Variants in IMMP2L observed in about 807,000 individuals in gnomAD.
IMMP2L encodes inner mitochondrial membrane peptidase subunit 2.
Under a neutral mutation model 19.3 loss-of-function variants are expected in IMMP2L, and 18 were observed. The ratio of observed to expected loss-of-function variants is 0.93; its 90% confidence interval spans 0.64 to 1.38. IMMP2L has a LOEUF of 1.38. IMMP2L is among the 40% of genes most tolerant of loss of function. The probability of loss-of-function intolerance (pLI) is 0.00; values close to 1 mark genes in which losing one functional copy is unlikely to be tolerated. For synonymous variants in IMMP2L, 76 were observed against 73.0 expected, an observed-to-expected ratio of 1.04 and a Z score of -0.21; for missense variants, 233 against 218.2, an observed-to-expected ratio of 1.07 and a Z score of -0.43.
intron 3 of IMMP2L, among the ~76,000 whole-genome samples, chr7:111,223,607 A>G (rs1812757084): frequency 6.6e-6 from 1 of 152,128 alleles, no homozygotes; most frequent in African/African-American, 2.4e-5. Context: ...ATCCTAGCAT[A>G]TGATTATAGA....
chr7:111,189,031 G>A (rs1047970636), intron 3 of IMMP2L, among the ~76,000 whole-genome samples: 10 of 152,056 alleles, frequency 6.6e-5, no homozygotes, highest in Non-Finnish European at 1.3e-4. Flanking sequence ...GCACCTACTA[G>A]TACCGTTGAG....
chr7:111,404,179 T>C (rs1454275347), intron 3 of IMMP2L, among the ~76,000 whole-genome samples: 1 of 152,124 alleles, frequency 6.6e-6, no homozygotes, highest in East Asian at 1.9e-4. Context: ...AAAAAGGATG[T>C]AAATTCATCT....
rs1210786661 is a variant in IMMP2L, at chr7:111,123,287, A to G, written c.240-159722T>C. Reference sequence around the variant, plus strand: ...CATAATCTTCTTCGACTTCATCTCAATTCAAATAGATTGCAGATGATCAAC... The same window carrying G: ...CATAATCTTCTTCGACTTCATCTCAGTTCAAATAGATTGCAGATGATCAAC... On this transcript the variant is annotated intron_variant, in intron 3 of 5. Transcript: ENST00000405709. The surrounding 1 kb of genome is among the most constrained non-coding windows in gnomAD (Gnocchi z 6.4). 6.2e-7 allele frequency: 1 copy of G among 1,613,838 alleles called. No individual in the cohort carries two copies. Among genetic ancestry groups the G allele is most frequent in the Non-Finnish European group, 8.5e-7 (1 of 1,179,936 alleles).
chr7:110,818,318 A>G (rs995150462), intron 5 of IMMP2L, among the ~76,000 whole-genome samples: 3 of 152,246 alleles, frequency 2.0e-5, no homozygotes, highest in African/African-American at 7.2e-5. Flanking sequence ...TGAACACACA[A>G]TTCTCAAAAG....
chr7:111,371,114 G>A (rs1830224781), intron 3 of IMMP2L, among the ~76,000 whole-genome samples: 1 of 151,920 alleles, frequency 6.6e-6, no homozygotes, highest in African/African-American at 2.4e-5. Flanking sequence ...ACATGATGAG[G>A]TAAGGAAGAA....
chr7:111,432,396 C>A (rs1214803041), intron 3 of IMMP2L, among the ~76,000 whole-genome samples: 3 of 151,612 alleles, frequency 2.0e-5, no homozygotes, highest in Admixed American at 6.6e-5. Flanking sequence ...CCTAGGGAAG[C>A]AAGGATGGTT....
chr7:111,138,933 A>G (rs1049327352), intron 3 of IMMP2L, among the ~76,000 whole-genome samples: 19 of 152,314 alleles, frequency 1.2e-4, no homozygotes, highest in Non-Finnish European at 2.4e-4. Context: ...GAAAATATTG[A>G]AAATTATGAT....
intron 3 of IMMP2L, among the ~76,000 whole-genome samples, chr7:111,343,117 A>T (rs1211492762): frequency 6.6e-6 from 1 of 152,046 alleles, no homozygotes; most frequent in Non-Finnish European, 1.5e-5. Context: ...ATTATCAACA[A>T]ATATTTATTG....
intron 5 of IMMP2L, among the ~76,000 whole-genome samples, chr7:110,810,730 C>G (rs1393811768): frequency 6.6e-6 from 1 of 152,100 alleles, no homozygotes; most frequent in East Asian, 1.9e-4. Context: ...ATAAACAGAC[C>G]ACAGCCTAAT....
chr7:111,256,296 C>G (rs984926537), intron 3 of IMMP2L, among the ~76,000 whole-genome samples: 1 of 151,978 alleles, frequency 6.6e-6, no homozygotes, highest in Non-Finnish European at 1.5e-5. Context: ...TTAAACCAAA[C>G]AGATTTCAAG....
chr7:111,495,264 C>G (rs1843485247), intron 2 of IMMP2L, among the ~76,000 whole-genome samples: 1 of 152,066 alleles, frequency 6.6e-6, no homozygotes, highest in Non-Finnish European at 1.5e-5. Flanking sequence ...TCCTCTGGCT[C>G]AGTTGTATCT....
chr7:111,287,636 G>T (rs1017108640), intron 3 of IMMP2L, among the ~76,000 whole-genome samples: 3 of 152,036 alleles, frequency 2.0e-5, no homozygotes, highest in Non-Finnish European at 4.4e-5. Flanking sequence ...ACGTCGGCTT[G>T]CTAGTTTTGT....
chr7:111,085,082 G>T (rs1029643549), intron 3 of IMMP2L, among the ~76,000 whole-genome samples: 3 of 152,120 alleles, frequency 2.0e-5, no homozygotes, highest in Non-Finnish European at 2.9e-5. Flanking sequence ...TGGATCTACA[G>T]AGAAATATAA....
intron 3 of IMMP2L, among the ~76,000 whole-genome samples, chr7:111,441,974 TA>T (rs1422170509): frequency 6.6e-6 from 1 of 151,510 alleles, no homozygotes; most frequent in Non-Finnish European, 1.5e-5. Context: ...CTGTCTCTAC[TA>T]AAAATACAAA....
chr7:110,822,481 T>G (rs1024245203), intron 5 of IMMP2L, among the ~76,000 whole-genome samples: 1 of 152,140 alleles, frequency 6.6e-6, no homozygotes, highest in Non-Finnish European at 1.5e-5. Flanking sequence ...GAATTCCTGT[T>G]TGCTGTAAAC....
At chr7:111,370,455 T>TAA (rs1830165865) in intron 3 of IMMP2L, among the ~76,000 whole-genome samples, 1 of 151,990 alleles carries the variant, frequency 6.6e-6, no homozygotes, top group Non-Finnish European at 1.5e-5. Context: ...AATCTCTGTT[T>TAA]TCAGGGAGAT....
At chr7:110,842,928 A>C (rs1459259943) in intron 5 of IMMP2L, among the ~76,000 whole-genome samples, 1 of 152,198 alleles carries the variant, frequency 6.6e-6, no homozygotes, top group Non-Finnish European at 1.5e-5. Flanking sequence ...GGCTACCCGA[A>C]TGGAAATTGG....
chr7:111,117,708 T>C (rs214871), intron 3 of IMMP2L, among the ~76,000 whole-genome samples: 14,678 of 152,044 alleles, frequency 0.097, 1,663 homozygotes, highest in African/African-American at 0.28. Flanking sequence ...CAAGGGAATA[T>C]GAAGTTAGAT....
At chr7:111,449,942 A>G (rs941713136) in intron 3 of IMMP2L, among the ~76,000 whole-genome samples, 26 of 140,694 alleles carry the variant, frequency 1.8e-4, no homozygotes, top group East Asian at 4.0e-4. Flanking sequence ...CCAAATCATG[A>G]GTGAACTCCC....
Sources: allele counts gnomAD v4.1 joint callset (sites outside exome capture counted in the v4.1 genomes callset), GRCh38; gene constraint gnomAD v4.1.1; non-coding constraint Gnocchi (gnomAD v3.1); transcripts MANE v1.5; gene names NCBI Gene and HGNC (gene_info 2026-07-23, HGNC 2026-07-21).